The following PDZRN4 variants were observed in gnomAD, a reference collection of about 807,000 sequenced individuals.
PDZRN4 encodes PDZ domain containing ring finger 4, also known as PDZ domain-containing RING finger protein 4.
In PDZRN4, 70 loss-of-function variants were observed where a neutral mutation model predicts 99.0. The ratio of observed to expected loss-of-function variants is 0.71; its 90% CI spans 0.58 to 0.86. The LOEUF is 0.86. PDZRN4 is among the 40% of genes least tolerant of loss of function. The pLI is 0.00. For synonymous variants in PDZRN4, 551 were observed against 501.6 expected, an observed-to-expected ratio of 1.10 and a Z score of -1.32; for missense variants, 1,474 against 1,331.2, an observed-to-expected ratio of 1.11 and a Z score of -1.67.
intron 3 of PDZRN4, among the ~76,000 whole-genome samples, chr12:41,197,126 G>A (rs1018533709): frequency 2.0e-5 from 3 of 151,998 alleles, no homozygotes; most frequent in Non-Finnish European, 2.9e-5. Flanking sequence ...ATTTTCTGTA[G>A]CTAATTGCTT....
chr12:41,202,989 T>A (rs565336631), intron 3 of PDZRN4, among the ~76,000 whole-genome samples: 87 of 152,156 alleles, frequency 5.7e-4, no homozygotes, highest in African/African-American at 2.0e-3. Context: ...ATAGATTTAC[T>A]CTATGAAATC....
chr12:41,378,961 A>C (rs1020518349), intron 3 of PDZRN4, among the ~76,000 whole-genome samples: 7 of 152,210 alleles, frequency 4.6e-5, no homozygotes, highest in Non-Finnish European at 7.3e-5. Context: ...TCACATGTGT[A>C]GTAATCTATA....
At chr12:41,303,801 A>G (rs1951552249) in intron 3 of PDZRN4, among the ~76,000 whole-genome samples, 1 of 152,204 alleles carries the variant, frequency 6.6e-6, no homozygotes. Flanking sequence ...AAATCTGAGT[A>G]TGCTCAGAGT....
At chr12:41,328,857 C>G (rs183729946) in intron 3 of PDZRN4, among the ~76,000 whole-genome samples, 1 of 152,086 alleles carries the variant, frequency 6.6e-6, no homozygotes, top group South Asian at 2.1e-4. Context: ...GGGAGTGAGG[C>G]TTTTCTGATT....
intron 3 of PDZRN4, among the ~76,000 whole-genome samples, chr12:41,497,517 G>A (rs1177773769): frequency 2.0e-5 from 3 of 152,106 alleles, no homozygotes; most frequent in African/African-American, 7.2e-5. Context: ...AGGTCAGTAA[G>A]TAGTTGTTAG....
intron 1 of PDZRN4, among the ~76,000 whole-genome samples, chr12:41,190,345 C>G (rs1003073303): frequency 1.6e-4 from 25 of 152,080 alleles, no homozygotes; most frequent in African/African-American, 5.6e-4. Flanking sequence ...TATACATATA[C>G]GCATATATAC....
chr12:41,258,216 G>T (rs1951215987), intron 3 of PDZRN4, among the ~76,000 whole-genome samples: 1 of 152,094 alleles, frequency 6.6e-6, no homozygotes, highest in South Asian at 2.1e-4. Context: ...GTTGTAAATT[G>T]TAAATTTTAT....
chr12:41,525,810 T>C (rs1938558193), intron 5 of PDZRN4, among the ~76,000 whole-genome samples: 1 of 152,102 alleles, frequency 6.6e-6, no homozygotes, highest in Non-Finnish European at 1.5e-5. Flanking sequence ...CTGAGAAACA[T>C]AGTAGGTCTG....
At chr12:41,455,256 G>A (rs1804257453) in intron 3 of PDZRN4, among the ~76,000 whole-genome samples, 1 of 152,102 alleles carries the variant, frequency 6.6e-6, no homozygotes, top group Admixed American at 6.5e-5. Flanking sequence ...GAATCCCATG[G>A]AATAGCCTAC....
At chr12:41,398,762 C>A (rs528392928) in intron 3 of PDZRN4, among the ~76,000 whole-genome samples, 1 of 152,172 alleles carries the variant, frequency 6.6e-6, no homozygotes, top group South Asian at 2.1e-4. Flanking sequence ...TTCTTTCATA[C>A]CTGCTGTATG....
At chr12:41,419,433 T>C (rs1952472537) in intron 3 of PDZRN4, among the ~76,000 whole-genome samples, 1 of 152,160 alleles carries the variant, frequency 6.6e-6, no homozygotes, top group Non-Finnish European at 1.5e-5. Context: ...CCAGTAACTA[T>C]ACACTAGCCA....
At chr12:41,456,907 G>C (rs1312274716) in intron 3 of PDZRN4, among the ~76,000 whole-genome samples, 1 of 152,160 alleles carries the variant, frequency 6.6e-6, no homozygotes, top group African/African-American at 2.4e-5. Context: ...GACACTAACT[G>C]AATGGAAGGG....
intron 3 of PDZRN4, among the ~76,000 whole-genome samples, chr12:41,275,695 A>T (rs1306068202): frequency 6.6e-6 from 1 of 152,168 alleles, no homozygotes; most frequent in African/African-American, 2.4e-5. Context: ...GGATTATTAC[A>T]TATAAGGCTA....
At chr12:41,550,820 A>G (rs1939039475) in intron 5 of PDZRN4, among the ~76,000 whole-genome samples, 1 of 152,160 alleles carries the variant, frequency 6.6e-6, no homozygotes, top group Non-Finnish European at 1.5e-5. Context: ...TCCCCTTGCT[A>G]AGGATTTACC....
chr12:41,533,696 T>C (rs936458505), intron 5 of PDZRN4, among the ~76,000 whole-genome samples: 2 of 152,256 alleles, frequency 1.3e-5, no homozygotes, highest in African/African-American at 4.8e-5. Flanking sequence ...ACGCATTTTT[T>C]GTATAGCTGG....
intron 3 of PDZRN4, among the ~76,000 whole-genome samples, chr12:41,311,020 A>C (rs1327661328): frequency 6.6e-6 from 1 of 152,134 alleles, no homozygotes; most frequent in African/African-American, 2.4e-5. Flanking sequence ...CAGCACAGAT[A>C]ACAACTATTA....
At chr12:41,551,329 T>G (rs1592108357) in intron 5 of PDZRN4, among the ~76,000 whole-genome samples, 1 of 152,224 alleles carries the variant, frequency 6.6e-6, no homozygotes, top group East Asian at 1.9e-4. Context: ...GGTAATCACC[T>G]ACCAAAGTCC....
intron 3 of PDZRN4, among the ~76,000 whole-genome samples, chr12:41,482,226 GA>G (rs1937684416): frequency 6.6e-6 from 1 of 152,172 alleles, no homozygotes. Context: ...GAAAGAAAGA[GA>G]AGGTGTTTTC....
At chr12:41,409,440 G>C (rs972254190) in intron 3 of PDZRN4, 1 of 152,102 alleles carries the variant, frequency 6.6e-6, no homozygotes, top group Non-Finnish European at 1.5e-5. Context: ...GGTGTTACAG[G>C]AGCATTGAGG....
Sources: allele counts gnomAD v4.1 joint callset (sites outside exome capture counted in the v4.1 genomes callset), GRCh38; gene constraint gnomAD v4.1.1; transcripts MANE v1.5; gene names NCBI Gene and HGNC (gene_info 2026-07-23, HGNC 2026-07-21).